The following BTRC variants were observed in gnomAD, a reference collection of about 807,000 sequenced individuals.
BTRC encodes the protein F-box/WD repeat-containing protein 1A.
In BTRC, 42 loss-of-function variants were observed where a neutral mutation model predicts 85.5. The observed-to-expected ratio is 0.49, with a 90% CI of 0.38 to 0.64. BTRC has a LOEUF of 0.64. Among genes scored for constraint, BTRC ranks in the 30% least tolerant of loss-of-function variants. BTRC has a pLI of 0.00. For missense variants in BTRC, 594 were observed against 743.5 expected (o/e 0.80, Z 2.34); for synonymous variants, 255 against 263.3 (o/e 0.97, Z 0.30).
chr10:101,360,355 T>C lies in BTRC; in HGVS notation c.48+6127T>C, dbSNP rs1338584570. ...CAGGCGTGAGTCACTATGCCTGGCC[T>C]AGAGATGGGATCTGCTTTTTTTTTT... On this transcript the variant is annotated intron_variant, in intron 1 of 14. Transcript: ENST00000370187. 2.0e-5 allele frequency among the ~76,000 whole-genome samples: 3 copies of C among 148,186 alleles called. No individual in the cohort carries two copies. In the Admixed American group the frequency reaches 2.0e-4, roughly 10 times the overall value.
At position 101,385,730 on chromosome 10, in the gene BTRC, G is replaced by GAC. The variant is rs149274045; in HGVS notation, c.48+31516_48+31517dup. Among the ~76,000 whole-genome samples the GAC allele has an allele frequency of 4.1e-4, 59 of 143,046 alleles. 1 individual carries two copies. The highest frequency in any genetic ancestry group is 2.4e-3 in the South Asian group (11 of 4,516). The allele number at this position is 143,046 out of a possible 152,430, so 93.8% of individuals were successfully genotyped here. Reference sequence around the variant, plus strand: ...TATCACAGGATCCTTCCTCTTCCCAGACACACACACACACATATGTTTTGT... The same window carrying GAC: ...TATCACAGGATCCTTCCTCTTCCCAGACACACACACACACACATATGTTTTGT... On this transcript the variant is annotated intron_variant, in intron 1 of 14. Coordinates refer to ENST00000370187, the MANE Select transcript of BTRC (RefSeq NM_033637.4).
At chr10:101,510,782 AC>A (rs1395796745) in intron 4 of BTRC, among the ~76,000 whole-genome samples, 1 of 152,236 alleles carries the variant, frequency 6.6e-6, no homozygotes, top group Non-Finnish European at 1.5e-5. Flanking sequence ...ACCCAGACTT[AC>A]AATTCTCAAC....
chr10:101,546,949 T>C (rs1185609848), intron 13 of BTRC, among the ~76,000 whole-genome samples: 1 of 152,254 alleles, frequency 6.6e-6, no homozygotes, highest in African/African-American at 2.4e-5. Flanking sequence ...GAAGAAGTTA[T>C]ATCAATTTTC....
intron 1 of BTRC, among the ~76,000 whole-genome samples, chr10:101,390,827 C>T (rs1392187065): frequency 6.6e-6 from 1 of 152,116 alleles, no homozygotes; most frequent in Non-Finnish European, 1.5e-5. Flanking sequence ...GTCCAGCACT[C>T]TCTTCTTTCT....
chr10:101,526,232 C>T (rs2062189384), intron 6 of BTRC, 33 bp downstream of exon 6: 3 of 1,579,484 alleles, frequency 1.9e-6, no homozygotes, highest in Non-Finnish European at 2.6e-6. Context: ...TCTTATACGG[C>T]TTCAGGACCT....
At chr10:101,395,335 C>T (rs1435125530) in intron 1 of BTRC, among the ~76,000 whole-genome samples, 1 of 152,112 alleles carries the variant, frequency 6.6e-6, no homozygotes, top group Non-Finnish European at 1.5e-5. Flanking sequence ...CTCTTTGCCC[C>T]CCTTTTTTCC....
At chr10:101,417,423 T>A (rs900593630) in intron 1 of BTRC, among the ~76,000 whole-genome samples, 1 of 152,236 alleles carries the variant, frequency 6.6e-6, no homozygotes, top group Non-Finnish European at 1.5e-5. Flanking sequence ...TAGATCCAAA[T>A]TAGGTATCTT....
At chr10:101,553,120 AG>A (rs1349734897) in intron 14 of BTRC, 34 bp from the exon 15 acceptor site, 10 of 152,698 alleles carry the variant, frequency 6.5e-5, no homozygotes, top group African/African-American at 2.4e-4. Context: ...ATATCAAAAA[AG>A]GGGCTAATGA....
chr10:101,366,316 A>G (rs1942371274), intron 1 of BTRC, among the ~76,000 whole-genome samples: 1 of 152,002 alleles, frequency 6.6e-6, no homozygotes, highest in Non-Finnish European at 1.5e-5. Context: ...ATAGGGGAAG[A>G]CATTATGGGG....
At chr10:101,373,623 T>G (rs1050923645) in intron 1 of BTRC, among the ~76,000 whole-genome samples, 1 of 152,000 alleles carries the variant, frequency 6.6e-6, no homozygotes, top group East Asian at 1.9e-4. Flanking sequence ...TTCGTATAAA[T>G]AAAGATGGGC....
Position 101,382,394 on chromosome 10 carries a change from T to A in BTRC, c.48+28166T>A, listed in dbSNP as rs913140825. 3.3e-5 allele frequency among the ~76,000 whole-genome samples: 5 copies of A among 152,318 alleles called. No homozygotes were observed. In the East Asian group the frequency reaches 7.7e-4, roughly 23 times the overall value. The stretch of plus-strand genomic sequence containing the variant: ...ACAGTAGTTCCCTAATGGTTTTTAT[T>A]CATGAAATTGACATTTTTGAAGAGT... On this transcript the variant is annotated intron_variant, in intron 1 of 14. Transcript: ENST00000370187.
intron 4 of BTRC, among the ~76,000 whole-genome samples, chr10:101,485,858 G>T (rs987329196): frequency 6.6e-6 from 1 of 152,190 alleles, no homozygotes; most frequent in African/African-American, 2.4e-5. Flanking sequence ...GGGAAAGAGG[G>T]ATGAAAGAAG....
intron 2 of BTRC, among the ~76,000 whole-genome samples, chr10:101,443,355 CA>C (rs2134118113): frequency 1.3e-5 from 2 of 152,192 alleles, no homozygotes; most frequent in African/African-American, 4.8e-5. Context: ...ACATTAAAAG[CA>C]AATAAATACA....
chr10:101,413,366 T>C (rs1391674670), intron 1 of BTRC, among the ~76,000 whole-genome samples: 1 of 152,092 alleles, frequency 6.6e-6, no homozygotes, highest in Non-Finnish European at 1.5e-5. Flanking sequence ...CAGGCTGGAG[T>C]GCAGTGGTGC....
chr10:101,505,447 G>A (rs188946294), intron 4 of BTRC, among the ~76,000 whole-genome samples: 14 of 150,596 alleles, frequency 9.3e-5, no homozygotes, highest in Admixed American at 2.6e-4. Context: ...GTGAAACCCC[G>A]TCTCTACTAA....
chr10:101,365,204 G>A (rs1420000628), intron 1 of BTRC, among the ~76,000 whole-genome samples: 1 of 151,592 alleles, frequency 6.6e-6, no homozygotes, highest in African/African-American at 2.4e-5. Flanking sequence ...TTCCTGAGTA[G>A]CTGGGATTAC....
chr10:101,363,109 C>T (rs1456090031), intron 1 of BTRC, among the ~76,000 whole-genome samples: 1 of 152,188 alleles, frequency 6.6e-6, no homozygotes, highest in Non-Finnish European at 1.5e-5. Flanking sequence ...TCTAAATATA[C>T]TGTTCTAAGC....
At chr10:101,454,274 G>C (rs907562546) in intron 2 of BTRC, among the ~76,000 whole-genome samples, 2 of 152,186 alleles carry the variant, frequency 1.3e-5, no homozygotes, top group East Asian at 1.9e-4. Context: ...CTGGTTAGTC[G>C]AAAGTAACAG....
At chr10:101,508,237 C>T (rs1946593299) in intron 4 of BTRC, among the ~76,000 whole-genome samples, 1 of 152,098 alleles carries the variant, frequency 6.6e-6, no homozygotes, top group Non-Finnish European at 1.5e-5. Context: ...ATCATATATA[C>T]TGGGCAATGT....
Sources: gnomAD v4.1 joint callset for allele counts (sites outside exome capture counted in the v4.1 genomes callset) on GRCh38, gnomAD v4.1.1 for gene constraint, MANE v1.5 for transcripts, NCBI Gene and HGNC (gene_info 2026-07-23, HGNC 2026-07-21) for gene names.